PLCH1: variants seen among roughly 807,000 people sequenced by gnomAD.
The protein encoded by PLCH1 is 1-phosphatidylinositol 4,5-bisphosphate phosphodiesterase eta-1.
In PLCH1, 60 loss-of-function variants were observed where a neutral mutation model predicts 126.7. That is an observed-to-expected ratio of 0.47 (90% CI 0.38 to 0.59). The LOEUF (loss-of-function observed/expected upper bound fraction) is 0.59. Ranked by LOEUF, PLCH1 falls within the 20% of genes least tolerant of loss-of-function variation. PLCH1 has a pLI of 0.00. For synonymous variants in PLCH1, 719 were observed against 734.9 expected, an observed-to-expected ratio of 0.98 and a Z score of 0.35; for missense variants, 1,723 against 2,040.0, an observed-to-expected ratio of 0.84 and a Z score of 2.99.
At chr3:155,619,820 C>T (rs1312458511) in intron 2 of PLCH1, among the ~76,000 whole-genome samples, 1 of 151,974 alleles carries the variant, frequency 6.6e-6, no homozygotes, top group Non-Finnish European at 1.5e-5. Flanking sequence ...AAAGTAAGCA[C>T]CTTATTTCTA....
intron 2 of PLCH1, chr3:155,675,984 G>A: frequency 2.1e-6 from 3 of 1,434,534 alleles, no homozygotes; most frequent in Admixed American, 2.0e-5. Context: ...AAAATTAGTA[G>A]TATGAGTCTT....
chr3:155,743,199 G>A, intron 1 of PLCH1: 1 of 448,370 alleles, frequency 2.2e-6, no homozygotes. Flanking sequence ...TAAAAGAGGG[G>A]ATAGGGCTGT....
intron 21 of PLCH1, among the ~76,000 whole-genome samples, chr3:155,460,367 C>T (rs777653603): frequency 6.6e-6 from 1 of 152,144 alleles, no homozygotes; most frequent in East Asian, 1.9e-4. Flanking sequence ...ACACCACCAC[C>T]ATTGTCTTGT....
intron 2 of PLCH1, among the ~76,000 whole-genome samples, chr3:155,635,211 C>T (rs1738577388): frequency 6.6e-6 from 1 of 152,096 alleles, no homozygotes; most frequent in African/African-American, 2.4e-5. Context: ...CATTCAGCCC[C>T]CATCTCTTTT....
At chr3:155,557,623 C>CA (rs1157040847) in intron 8 of PLCH1, among the ~76,000 whole-genome samples, 1 of 152,128 alleles carries the variant, frequency 6.6e-6, no homozygotes, top group Non-Finnish European at 1.5e-5. Flanking sequence ...GTTCAAATGG[C>CA]AGTGAAGTTT....
intron 4 of PLCH1, among the ~76,000 whole-genome samples, chr3:155,586,922 T>C (rs1731456067): frequency 6.6e-6 from 1 of 152,198 alleles, no homozygotes; most frequent in South Asian, 2.1e-4. Context: ...AAAAGCTACA[T>C]TACTGGTTCT....
At chr3:155,549,651 G>T (rs3851357) in intron 10 of PLCH1, 136 bp downstream of exon 10, 4 of 619,248 alleles carry the variant, frequency 6.5e-6, no homozygotes, top group Admixed American at 3.1e-5. Flanking sequence ...GGAATAAGGC[G>T]CATACATAGA....
At chr3:155,570,950 T>G (rs1729132234) in intron 6 of PLCH1, among the ~76,000 whole-genome samples, 1 of 152,198 alleles carries the variant, frequency 6.6e-6, no homozygotes, top group East Asian at 1.9e-4. Flanking sequence ...TCTTTTCCTT[T>G]ATTTACTGTA....
chr3:155,470,961 A>G (rs1276515952), intron 21 of PLCH1, among the ~76,000 whole-genome samples: 19 of 152,138 alleles, frequency 1.2e-4, no homozygotes, highest in African/African-American at 3.6e-4. Flanking sequence ...AGTACCAGCT[A>G]CTGCAAAATC....
intron 2 of PLCH1, among the ~76,000 whole-genome samples, chr3:155,678,550 T>C (rs546424169): frequency 1.3e-5 from 2 of 152,304 alleles, no homozygotes; most frequent in African/African-American, 2.4e-5. Flanking sequence ...ATAAAACTTA[T>C]AAACACCTAT....
At chr3:155,579,967 A>C (rs1472866109) in intron 6 of PLCH1, among the ~76,000 whole-genome samples, 2 of 152,174 alleles carry the variant, frequency 1.3e-5, no homozygotes, top group Non-Finnish European at 2.9e-5. Flanking sequence ...ACAGAAAAAC[A>C]GGACAGAATT....
intron 21 of PLCH1, among the ~76,000 whole-genome samples, chr3:155,465,058 G>A (rs185083134): frequency 1.7e-3 from 254 of 148,822 alleles, no homozygotes; most frequent in Middle Eastern, 3.6e-3. Context: ...GCAATGAGCC[G>A]AGATCATGCC....
chr3:155,708,299 G>T (rs1199712316), intron 1 of PLCH1, among the ~76,000 whole-genome samples: 1 of 152,202 alleles, frequency 6.6e-6, no homozygotes, highest in Non-Finnish European at 1.5e-5. Context: ...CCTGGGGCAA[G>T]GGAAGAGAGC....
At chr3:155,613,429 C>T (rs1577142563) in intron 2 of PLCH1, among the ~76,000 whole-genome samples, 1 of 152,076 alleles carries the variant, frequency 6.6e-6, no homozygotes, top group Non-Finnish European at 1.5e-5. Context: ...TCGAATCCAA[C>T]AGCATATCAA....
At chr3:155,740,071 G>A (rs1379265735) in intron 1 of PLCH1, among the ~76,000 whole-genome samples, 1 of 152,136 alleles carries the variant, frequency 6.6e-6, no homozygotes, top group East Asian at 1.9e-4. Context: ...TGTACCATAT[G>A]TGTTCTCATG....
chr3:155,639,320 G>A lies in PLCH1; in HGVS notation c.80-42942C>T, dbSNP rs114658172. On this transcript the variant is annotated intron_variant, in intron 2 of 22. Transcript: ENST00000460012. ...CAAAAAATAAAAAATACTTAGCCTG[G>A]AGTGGTGGTGCAAGCCTATGGTCCC... is the stretch of plus-strand genomic sequence containing the variant. Among the ~76,000 whole-genome samples the A allele has an allele frequency of 1.3e-3, 195 of 152,162 alleles. 1 individual carries two copies. The highest frequency in any genetic ancestry group is 4.5e-3 in the African/African-American group (187 of 41,514).
chr3:155,498,099 C>G (rs1010416250), intron 14 of PLCH1, among the ~76,000 whole-genome samples: 1 of 152,182 alleles, frequency 6.6e-6, no homozygotes, highest in Non-Finnish European at 1.5e-5. Context: ...CATGAGTCAT[C>G]CCTTTGTCCA....
At position 155,481,394 on chromosome 3, in the gene PLCH1, A is replaced by G; in HGVS notation, c.4632T>C (p.Phe1544=). 6.2e-7 allele frequency: 1 copy of G among 1,614,242 alleles called. No homozygotes were observed. Reference sequence around the variant, plus strand: ...GCACTTGGCAGTTGTCTTCCTGGTCAAAGGACACAAGCTTCCGAAGCTGCT... The same window carrying G: ...GCACTTGGCAGTTGTCTTCCTGGTCGAAGGACACAAGCTTCCGAAGCTGCT... ...LTEQLRKLVS[F]DQEDNCQVLY... The change falls in exon 23 of 23, where the codon TTT becomes TTC. Residue 1544 remains phenylalanine (F), a synonymous_variant. Transcript: ENST00000460012. The surrounding 1 kb of genome is among the most constrained non-coding windows in gnomAD (Gnocchi z 4.2).
chr3:155,490,640 T>C (rs984692469), intron 19 of PLCH1, 144 bp downstream of exon 19: 9 of 529,992 alleles, frequency 1.7e-5, no homozygotes, highest in African/African-American at 7.8e-5. Context: ...CTTAGTTTTA[T>C]GTGTTGAAAA....
Sources: allele counts gnomAD v4.1 joint callset (sites outside exome capture counted in the v4.1 genomes callset), GRCh38; gene constraint gnomAD v4.1.1; non-coding constraint Gnocchi (gnomAD v3.1); transcripts MANE v1.5; gene names NCBI Gene and HGNC (gene_info 2026-07-23, HGNC 2026-07-21).